Variants in RAB3GAP2 observed in about 807,000 individuals in gnomAD.
RAB3GAP2 encodes the protein rab3 GTPase-activating protein non-catalytic subunit.
RAB3GAP2 carries 87 observed loss-of-function variants against 185.3 expected under a neutral mutation model. The ratio of observed to expected loss-of-function variants is 0.47; its 90% CI spans 0.39 to 0.56. RAB3GAP2 has a LOEUF of 0.56. RAB3GAP2 is among the 20% of genes least tolerant of loss of function. RAB3GAP2 has a pLI of 0.00. For missense variants in RAB3GAP2, 1,492 were observed against 1,638.2 expected (o/e 0.91, Z 1.54); for synonymous variants, 554 against 576.1 (o/e 0.96, Z 0.55).
intron 23 of RAB3GAP2, among the ~76,000 whole-genome samples, 168 bp downstream of exon 23, chr1:220,171,721 C>T (rs567103154): frequency 6.6e-6 from 1 of 152,228 alleles, no homozygotes; most frequent in South Asian, 2.1e-4. Context: ...CATGTGACAA[C>T]TGCTAAATTC....
At chr1:220,159,322 A>T in intron 29 of RAB3GAP2, 64 bp downstream of exon 29, 1 of 1,337,264 alleles carries the variant, frequency 7.5e-7, no homozygotes, top group Non-Finnish European at 1.1e-6. Context: ...TATACAGTTA[A>T]TAAAGTACTA....
chr1:220,182,850 T>C lies in RAB3GAP2; in HGVS notation c.2080A>G (p.Thr694Ala), dbSNP rs764952002. ...TCAGAAAATCGAACATTTGTCCTGGTGTTCTCTTGCTTATATTTCTCTAGT... is the reference window on the plus strand; with the variant it reads ...TCAGAAAATCGAACATTTGTCCTGGCGTTCTCTTGCTTATATTTCTCTAGT... Reference protein sequence around the residue: ...ALLEKYKQENTRTNVRFSDDK... With the variant: ...ALLEKYKQENARTNVRFSDDK... The change falls in exon 20 of 35, where the codon ACC becomes GCC. Residue 694 changes from threonine to alanine, a missense_variant. Thr to Ala is a moderately conservative substitution (Grantham distance 58). This residue lies in a region of RAB3GAP2 where 681 missense variants were observed against 689.1 expected (regional missense o/e 0.99). Coordinates refer to ENST00000358951, the MANE Select transcript of RAB3GAP2 (RefSeq NM_012414.4). 27 of 1,613,522 alleles carry C rather than the reference T, an allele frequency of 1.7e-5. No individual in the cohort carries two copies. Among genetic ancestry groups the C allele is most frequent in the Non-Finnish European group, 2.0e-5 (24 of 1,179,722 alleles).
In RAB3GAP2 at chr1:220,158,783, TC is replaced by T. The variant is rs959894613; in HGVS notation, c.3261+602del. Among the ~76,000 whole-genome samples the T allele has an allele frequency of 1.3e-5, 2 of 151,792 alleles. No individual in the cohort carries two copies. The highest frequency in any genetic ancestry group is 2.9e-5 in the Non-Finnish European group (2 of 67,970). On this transcript the variant is annotated intron_variant, in intron 29 of 34. Transcript: ENST00000358951. The surrounding 1 kb of genome is among the most constrained non-coding windows in gnomAD (Gnocchi z 4.3). ...CCAACAATCTTATAATTTCCTCACA[TC>T]CCCAAAGCAAATAATTCAGTGTTTG...
intron 1 of RAB3GAP2, chr1:220,271,067 A>G (rs527569870): frequency 1.3e-5 from 2 of 152,334 alleles, no homozygotes; most frequent in South Asian, 2.1e-4. Context: ...CACCACTTCA[A>G]GAAAATGCCT....
Position 220,182,253 on chromosome 1 carries a change from T to A in RAB3GAP2, c.2310+4A>T. ...ACAGCATCCAGCAACCAAAAAAACC[T>A]TACCAACAACAGCTGAGGGCTAAGA... On this transcript the variant is annotated splice_donor_region_variant and intron_variant, in intron 21 of 34. Coordinates refer to ENST00000358951, the MANE Select transcript of RAB3GAP2 (RefSeq NM_012414.4). The A allele has an allele frequency of 6.2e-7, 1 of 1,613,750 alleles. No individual in the cohort carries two copies. The highest frequency in any genetic ancestry group is 8.5e-7 in the Non-Finnish European group (1 of 1,179,892).
intron 4 of RAB3GAP2, chr1:220,211,343 T>A (rs182128026): frequency 4.9e-5 from 24 of 491,406 alleles, no homozygotes; most frequent in Middle Eastern, 6.1e-4. Flanking sequence ...CGCAGCCATT[T>A]CCTACTATCT....
At chr1:220,243,696 TCA>T (rs1428458585) in intron 1 of RAB3GAP2, among the ~76,000 whole-genome samples, 1 of 152,170 alleles carries the variant, frequency 6.6e-6, no homozygotes, top group Non-Finnish European at 1.5e-5. Context: ...TTGAGTCCAC[TCA>T]CAGTCTCTAT....
At chr1:220,206,321 A>G (rs1374719643) in intron 7 of RAB3GAP2, among the ~76,000 whole-genome samples, 2 of 152,222 alleles carry the variant, frequency 1.3e-5, no homozygotes, top group Admixed American at 1.3e-4. Context: ...TAAAAACAGA[A>G]GAAAACTCAC....
rs189946958 is a variant in RAB3GAP2, at chr1:220,203,030, T to C, written c.713-656A>G. Reference sequence around the variant, plus strand: ...AAGCAATTTCTCCCTCTTGACAAAGTAGATAAAATCCTAGGGATAGGAATC... The same window carrying C: ...AAGCAATTTCTCCCTCTTGACAAAGCAGATAAAATCCTAGGGATAGGAATC... On this transcript the variant is annotated intron_variant, in intron 8 of 34. Transcript: ENST00000358951. Among the ~76,000 whole-genome samples the C allele has an allele frequency of 7.2e-5, 11 of 152,288 alleles. No individual in the cohort carries two copies. In the East Asian group the frequency reaches 1.2e-3, roughly 16 times the overall value.
At chr1:220,237,175 G>A (rs1282559039) in intron 1 of RAB3GAP2, among the ~76,000 whole-genome samples, 1 of 152,174 alleles carries the variant, frequency 6.6e-6, no homozygotes, top group African/African-American at 2.4e-5. Flanking sequence ...AACTTCTTTA[G>A]GACAGTCTAG....
At chr1:220,152,037 G>C (rs570606283) in intron 33 of RAB3GAP2, among the ~76,000 whole-genome samples, 5 of 151,948 alleles carry the variant, frequency 3.3e-5, no homozygotes, top group Admixed American at 6.6e-5. Flanking sequence ...GCAAATAAAA[G>C]GAGTTTCATG....
rs1001623554 is a variant in RAB3GAP2, at chr1:220,158,776, C to T, written c.3261+610G>A. Reference sequence around the variant, plus strand: ...TTTAAAACCAACAATCTTATAATTTCCTCACATCCCCAAAGCAAATAATTC... The same window carrying T: ...TTTAAAACCAACAATCTTATAATTTTCTCACATCCCCAAAGCAAATAATTC... On this transcript the variant is annotated intron_variant, in intron 29 of 34. Transcript: ENST00000358951. The surrounding 1 kb of genome is among the most constrained non-coding windows in gnomAD (Gnocchi z 4.3). Among the ~76,000 whole-genome samples the T allele has an allele frequency of 2.3e-4, 35 of 152,110 alleles. No individual in the cohort carries two copies. The highest frequency in any genetic ancestry group is 4.4e-5 in the Non-Finnish European group (3 of 68,014).
At chr1:220,173,305 A>C (rs1185952193) in intron 21 of RAB3GAP2, among the ~76,000 whole-genome samples, 1 of 152,254 alleles carries the variant, frequency 6.6e-6, no homozygotes, top group Non-Finnish European at 1.5e-5. Flanking sequence ...GTAAACCAGC[A>C]TACCTACTTG....
intron 7 of RAB3GAP2, 50 bp from the exon 8 acceptor site, chr1:220,206,056 T>C (rs1232188538): frequency 3.3e-6 from 4 of 1,199,264 alleles, no homozygotes; most frequent in Non-Finnish European, 4.8e-6. Flanking sequence ...AATAAGCTTA[T>C]CTACTTTTTA....
chr1:220,232,946 ACC>A, intron 1 of RAB3GAP2, 83 bp from the exon 2 acceptor site: 2 of 1,168,142 alleles, frequency 1.7e-6, no homozygotes, highest in Non-Finnish European at 2.6e-6. Flanking sequence ...ACATCATAGA[ACC>A]AACCCCTGTA....
At chr1:220,165,566 T>C (rs1409827703) in intron 26 of RAB3GAP2, among the ~76,000 whole-genome samples, 1 of 152,208 alleles carries the variant, frequency 6.6e-6, no homozygotes, top group Non-Finnish European at 1.5e-5. Context: ...GGTAATTTTA[T>C]TGTTTTGAGC....
intron 17 of RAB3GAP2, among the ~76,000 whole-genome samples, chr1:220,188,115 A>C (rs1658539144): frequency 1.3e-5 from 2 of 152,122 alleles, no homozygotes; most frequent in Non-Finnish European, 2.9e-5. Flanking sequence ...AAAAAAAAAA[A>C]AAACCCTACA....
intron 17 of RAB3GAP2, among the ~76,000 whole-genome samples, chr1:220,186,607 A>G (rs1392486186): frequency 6.6e-6 from 1 of 152,168 alleles, no homozygotes; most frequent in Non-Finnish European, 1.5e-5. Flanking sequence ...GCTAGCAGCT[A>G]GCTTGTTTTC....
chr1:220,164,253 G>T (rs1015302748), intron 27 of RAB3GAP2, among the ~76,000 whole-genome samples: 1 of 151,992 alleles, frequency 6.6e-6, no homozygotes, highest in Non-Finnish European at 1.5e-5. Flanking sequence ...TCTGTGAAGG[G>T]TGTAATGAAG....
Sources: gnomAD v4.1 joint callset for allele counts (sites outside exome capture counted in the v4.1 genomes callset) on GRCh38, gnomAD v4.1.1 for gene constraint, gnomAD v4.1.1 regional missense constraint, Gnocchi (gnomAD v3.1) non-coding constraint, MANE v1.5 for transcripts, NCBI Gene and HGNC (gene_info 2026-07-23, HGNC 2026-07-21) for gene names.